SMIM36: variants seen among roughly 807,000 people sequenced by gnomAD.
SMIM36 encodes the protein small integral membrane protein 36.
intron 1 of SMIM36, among the ~76,000 whole-genome samples, chr17:55,487,768 G>C (rs1317787660): frequency 6.6e-6 from 1 of 152,170 alleles, no homozygotes; most frequent in Non-Finnish European, 1.5e-5. Flanking sequence ...ACAGAAAGGA[G>C]AGAGTGGCTT....
At chr17:55,456,828 G>T (rs143564726) in intron 4 of SMIM36, among the ~76,000 whole-genome samples, 6 of 152,232 alleles carry the variant, frequency 3.9e-5, no homozygotes, top group Non-Finnish European at 8.8e-5. Flanking sequence ...TTACTTTCAG[G>T]TCACCCTTGG....
chr17:55,504,084 A>G (rs1910041648), intron 1 of SMIM36, among the ~76,000 whole-genome samples: 1 of 110,834 alleles, frequency 9.0e-6, no homozygotes, highest in Non-Finnish European at 1.7e-5. Context: ...GCAAGTCCTG[A>G]GTGACCTACA....
At chr17:55,470,546 A>G (rs548416695) in intron 3 of SMIM36, among the ~76,000 whole-genome samples, 1 of 152,174 alleles carries the variant, frequency 6.6e-6, no homozygotes, top group South Asian at 2.1e-4. Flanking sequence ...AACTTGAACA[A>G]CATCTTTTAT....
intron 4 of SMIM36, among the ~76,000 whole-genome samples, chr17:55,453,764 G>T (rs1908967694): frequency 6.6e-6 from 1 of 152,208 alleles, no homozygotes; most frequent in South Asian, 2.1e-4. Flanking sequence ...ATTAATGGGA[G>T]ATTCCCAGGT....
chr17:55,463,928 C>G (rs1909189367), intron 4 of SMIM36, among the ~76,000 whole-genome samples: 1 of 152,048 alleles, frequency 6.6e-6, no homozygotes, highest in Non-Finnish European at 1.5e-5. Context: ...CTAGCCTGAT[C>G]AACATGGCAA....
chr17:55,493,504 C>A (rs1299389300), intron 1 of SMIM36, among the ~76,000 whole-genome samples: 2 of 152,096 alleles, frequency 1.3e-5, no homozygotes, highest in Admixed American at 6.5e-5. Context: ...AGTAAAGGCA[C>A]CTCCGCTGAG....
intron 4 of SMIM36, among the ~76,000 whole-genome samples, chr17:55,462,767 C>T (rs888137747): frequency 1.3e-5 from 2 of 152,118 alleles, no homozygotes; most frequent in Admixed American, 1.3e-4. Context: ...TTAATATTTA[C>T]TGTGGGTTAG....
chr17:55,503,171 C>G (rs1435472122), intron 1 of SMIM36, among the ~76,000 whole-genome samples: 1 of 100,338 alleles, frequency 1.0e-5, no homozygotes, highest in Non-Finnish European at 2.0e-5. Flanking sequence ...TCCAGGAGAA[C>G]TTCCCCAATC....
chr17:55,509,953 C>T lies in SMIM36; in HGVS notation c.*174+926G>A, dbSNP rs370718694. ...TCAATAACTTTGTATTGGATCAGGC[C>T]GGATTTGAGGATTGGAGATTAAATT... On this transcript the variant is annotated intron_variant, in intron 1 of 4. Transcript: ENST00000636752. 6.6e-5 allele frequency among the ~76,000 whole-genome samples: 10 copies of T among 152,004 alleles called. No individual in the cohort carries two copies. In the East Asian group the frequency reaches 7.7e-4, roughly 12 times the overall value.
At chr17:55,491,914 C>T (rs1012727195) in intron 1 of SMIM36, among the ~76,000 whole-genome samples, 3 of 152,146 alleles carry the variant, frequency 2.0e-5, no homozygotes, top group African/African-American at 7.2e-5. Flanking sequence ...ATTCCCAGCA[C>T]TTCCGGAGGC....
chr17:55,473,990 T>C (rs138490439), intron 3 of SMIM36, among the ~76,000 whole-genome samples: 3,979 of 152,184 alleles, frequency 0.026, 151 homozygotes, highest in African/African-American at 0.08. Flanking sequence ...CCTGTCCTGT[T>C]CTGTTCTGTT....
At chr17:55,516,734 A>G in the SMIM36 span, among the ~76,000 whole-genome samples, 2 of 151,756 alleles carry the variant, frequency 1.3e-5, no homozygotes, top group Non-Finnish European at 2.9e-5. Context: ...AATTTTTTGT[A>G]GTTTTAGCAG....
At chr17:55,501,413 ATAAAATATAATATAT>A in intron 1 of SMIM36, among the ~76,000 whole-genome samples, 1 of 23,912 alleles carries the variant, frequency 4.2e-5, no homozygotes, top group African/African-American at 2.2e-4. Context: ...ATTATATATT[ATAAAATATAATATAT>A]TATTATATAT....
chr17:55,488,168 G>A (rs1909640327), intron 1 of SMIM36, among the ~76,000 whole-genome samples: 1 of 152,222 alleles, frequency 6.6e-6, no homozygotes, highest in South Asian at 2.1e-4. Flanking sequence ...AGTCTCCTGA[G>A]TCAGGCCAGG....
intron 4 of SMIM36, among the ~76,000 whole-genome samples, chr17:55,454,401 T>TA (rs1908979810): frequency 1.3e-5 from 2 of 152,118 alleles, no homozygotes; most frequent in Admixed American, 1.3e-4. Flanking sequence ...CACTAAAAAA[T>TA]AAAAAAGCTG....
At chr17:55,476,028 A>G (rs1330813471) in intron 3 of SMIM36, among the ~76,000 whole-genome samples, 1 of 151,970 alleles carries the variant, frequency 6.6e-6, no homozygotes, top group African/African-American at 2.4e-5. Flanking sequence ...CCACCCCAAC[A>G]TTTCACCACT....
At chr17:55,467,060 C>G (rs942598533) in intron 4 of SMIM36, 85 bp downstream of exon 4, 1 of 151,710 alleles carries the variant, frequency 6.6e-6, no homozygotes. Flanking sequence ...CAATTAAGTC[C>G]GAAAAAAGAA....
chr17:55,467,920 ATTGACC>A (rs1909271369), intron 3 of SMIM36: 1 of 152,058 alleles, frequency 6.6e-6, no homozygotes, highest in African/African-American at 2.4e-5. Context: ...TAACTGATCA[ATTGACC>A]TTGTGACACT....
chr17:55,496,057 C>G (rs559021846), intron 1 of SMIM36, among the ~76,000 whole-genome samples: 64 of 152,288 alleles, frequency 4.2e-4, no homozygotes, highest in Non-Finnish European at 7.6e-4. Flanking sequence ...TCTCCCTCCC[C>G]GAGTGGCAAA....
Sources: gnomAD v4.1 joint callset for allele counts (sites outside exome capture counted in the v4.1 genomes callset) on GRCh38, gnomAD v4.1.1 for gene constraint, MANE v1.5 for transcripts, NCBI Gene and HGNC (gene_info 2026-07-23, HGNC 2026-07-21) for gene names.